EYA1: variants seen among roughly 807,000 people sequenced by gnomAD.
EYA1 encodes EYA transcriptional coactivator and phosphatase 1.
In EYA1, 16 loss-of-function variants were observed where a neutral mutation model predicts 82.0. That is an observed-to-expected ratio of 0.20 (90% CI 0.13 to 0.30). EYA1 has a LOEUF of 0.30. EYA1 is among the 10% of genes least tolerant of loss of function. The pLI is 1.00. For synonymous variants in EYA1, 261 were observed against 264.4 expected (o/e 0.99, Z 0.12); for missense variants, 633 against 730.7 (o/e 0.87, Z 1.54).
At chr8:71,367,923 A>C (rs1486481452) in intron 2 of EYA1, among the ~76,000 whole-genome samples, 1 of 152,216 alleles carries the variant, frequency 6.6e-6, no homozygotes, top group Non-Finnish European at 1.5e-5. Flanking sequence ...ACCCAAATGT[A>C]AGTACAATTA....
At chr8:71,286,279 G>A (rs968815902) in intron 9 of EYA1, among the ~76,000 whole-genome samples, 4 of 152,194 alleles carry the variant, frequency 2.6e-5, no homozygotes, top group African/African-American at 7.2e-5. Context: ...GGAATGCTAC[G>A]GAATGCCAGG....
At chr8:71,453,607 G>A (rs1807594459) in intron 2 of EYA1, among the ~76,000 whole-genome samples, 2 of 152,144 alleles carry the variant, frequency 1.3e-5, no homozygotes, top group African/African-American at 4.8e-5. Context: ...GAGAATGGGG[G>A]CCAATATTCA....
intron 12 of EYA1, among the ~76,000 whole-genome samples, chr8:71,225,585 T>G (rs956962696): frequency 6.6e-6 from 1 of 152,214 alleles, no homozygotes; most frequent in Non-Finnish European, 1.5e-5. Flanking sequence ...ATATATCTTT[T>G]AATTCCCACT....
At chr8:71,395,688 G>T (rs1215756468) in intron 2 of EYA1, among the ~76,000 whole-genome samples, 2 of 152,128 alleles carry the variant, frequency 1.3e-5, no homozygotes, top group African/African-American at 4.8e-5. Context: ...GCAGGATTCG[G>T]CTTGCCAGTA....
At chr8:71,361,458 C>A (rs183171987) in intron 1 of EYA1, among the ~76,000 whole-genome samples, 189 bp downstream of exon 1, 23 of 152,324 alleles carry the variant, frequency 1.5e-4, no homozygotes, top group Admixed American at 1.4e-3. Flanking sequence ...GGGAATTCTA[C>A]TTCTAGGATG....
At chr8:71,234,977 C>T (rs1174388589) in intron 12 of EYA1, among the ~76,000 whole-genome samples, 1 of 152,170 alleles carries the variant, frequency 6.6e-6, no homozygotes, top group African/African-American at 2.4e-5. Flanking sequence ...AAGGCAAAAC[C>T]TAGTGCTCAT....
intron 12 of EYA1, among the ~76,000 whole-genome samples, chr8:71,218,325 T>G (rs2128857701): frequency 6.6e-6 from 1 of 152,292 alleles, no homozygotes; most frequent in Admixed American, 6.5e-5. Flanking sequence ...AGGTATATTT[T>G]TATGTTGCCG....
intron 2 of EYA1, among the ~76,000 whole-genome samples, chr8:71,505,307 T>G (rs1430119325): frequency 6.6e-6 from 1 of 152,182 alleles, no homozygotes; most frequent in Non-Finnish European, 1.5e-5. Context: ...AACAGTCAAG[T>G]TTGAGAAGCG....
At chr8:71,276,630 A>C (rs1817208230) in intron 9 of EYA1, among the ~76,000 whole-genome samples, 1 of 152,184 alleles carries the variant, frequency 6.6e-6, no homozygotes, top group Non-Finnish European at 1.5e-5. Context: ...CTCTCATTAT[A>C]TCTTGCCTTA....
intron 6 of EYA1, among the ~76,000 whole-genome samples, chr8:71,321,270 T>C (rs991289681): frequency 1.6e-4 from 24 of 152,176 alleles, no homozygotes; most frequent in African/African-American, 5.5e-4. Flanking sequence ...TAATGGTTGA[T>C]AATGCTGAAA....
intron 16 of EYA1, among the ~76,000 whole-genome samples, 183 bp from the exon 17 acceptor site, chr8:71,211,439 A>AAATT (rs1411622730): frequency 2.6e-5 from 4 of 152,248 alleles, no homozygotes; most frequent in Non-Finnish European, 5.9e-5. Flanking sequence ...ATTACAAAGT[A>AAATT]AATTAATTAG....
At chr8:71,309,186 G>A (rs1821060076) in intron 7 of EYA1, among the ~76,000 whole-genome samples, 1 of 152,020 alleles carries the variant, frequency 6.6e-6, no homozygotes, top group Non-Finnish European at 1.5e-5. Flanking sequence ...TACCTGTCTT[G>A]ATATATTTCT....
chr8:71,354,434 T>G (rs1325296613), intron 3 of EYA1, among the ~76,000 whole-genome samples: 2 of 152,168 alleles, frequency 1.3e-5, no homozygotes, highest in African/African-American at 2.4e-5. Context: ...TTTTCACTGG[T>G]CACACAACAA....
chr8:71,519,740 A>G (rs899614268), intron 2 of EYA1, among the ~76,000 whole-genome samples: 6 of 151,990 alleles, frequency 3.9e-5, no homozygotes, highest in Admixed American at 1.3e-4. Context: ...AAGTCAGTCA[A>G]AACATTCCAG....
At chr8:71,461,222 G>A (rs1369679008) in intron 2 of EYA1, among the ~76,000 whole-genome samples, 2 of 152,174 alleles carry the variant, frequency 1.3e-5, no homozygotes, top group Non-Finnish European at 2.9e-5. Flanking sequence ...TGCTGGGCTT[G>A]CTCTGCCAAC....
chr8:71,403,764 G>C (rs759817599), intron 2 of EYA1: 1 of 152,130 alleles, frequency 6.6e-6, no homozygotes. Context: ...TGTACACCAT[G>C]ATACCATTTA....
chr8:71,397,842 C>T (rs1829719695), intron 2 of EYA1, among the ~76,000 whole-genome samples: 1 of 152,168 alleles, frequency 6.6e-6, no homozygotes, highest in Non-Finnish European at 1.5e-5. Flanking sequence ...GCCTGCCTTG[C>T]CACGTTGTGG....
chr8:71,339,224 A>G (rs529582956), intron 3 of EYA1, among the ~76,000 whole-genome samples: 2 of 152,124 alleles, frequency 1.3e-5, no homozygotes, highest in South Asian at 4.1e-4. Flanking sequence ...GCCTAGCCTG[A>G]AACCCAGAGC....
intron 11 of EYA1, among the ~76,000 whole-genome samples, chr8:71,269,186 T>C (rs1816221489): frequency 6.6e-6 from 1 of 152,196 alleles, no homozygotes; most frequent in African/African-American, 2.4e-5. Flanking sequence ...TCTTTATCTA[T>C]AATACCAATA....
Sources: gnomAD v4.1 joint callset for allele counts (sites outside exome capture counted in the v4.1 genomes callset) on GRCh38, gnomAD v4.1.1 for gene constraint, MANE v1.5 for transcripts, NCBI Gene and HGNC (gene_info 2026-07-23, HGNC 2026-07-21) for gene names.